The following EGF variants were observed in gnomAD, a reference collection of about 807,000 sequenced individuals.
EGF encodes epidermal growth factor.
Under a neutral mutation model 143.8 loss-of-function variants are expected in EGF, and 95 were observed. The observed-to-expected ratio is 0.66, with a 90% confidence interval of 0.56 to 0.78. The LOEUF is 0.78. Ranked by LOEUF, EGF falls within the 30% of genes least tolerant of loss-of-function variation. The pLI, the probability that EGF is intolerant of heterozygous loss-of-function variation, is 0.00. For synonymous variants in EGF, 510 were observed against 510.5 expected (o/e 1.00, Z 0.01); for missense variants, 1,320 against 1,470.9 (o/e 0.90, Z 1.68).
intron 16 of EGF, among the ~76,000 whole-genome samples, chr4:109,986,519 G>A (rs1406292035): frequency 6.6e-6 from 1 of 152,172 alleles, no homozygotes; most frequent in East Asian, 1.9e-4. Context: ...ATTACCCAAT[G>A]TCTGCATTCA....
intron 1 of EGF, among the ~76,000 whole-genome samples, chr4:109,924,724 G>A (rs910995487): frequency 6.6e-6 from 1 of 152,174 alleles, no homozygotes; most frequent in Non-Finnish European, 1.5e-5. Flanking sequence ...AAACCTAAGA[G>A]AATAATGAGG....
In EGF at chr4:109,987,992, TA is replaced by T. The variant is rs1257155021; in HGVS notation, c.2608+143del. On this transcript the variant is annotated intron_variant, in intron 17 of 23. Transcript: ENST00000265171. ...TTTGAATAAGTTATTTGATGTTAGC[TA>T]AAAAAAAAAATTGAATGACATGCAT... The T allele has an allele frequency of 0.02, 10,743 of 548,712 alleles. 4 individuals carry two copies. The highest frequency in any genetic ancestry group is 0.022 in the African/African-American group (1,145 of 51,106). 34.0% of individuals were successfully genotyped at this position (548,712 alleles called of 1,614,324 possible).
At chr4:109,971,050 C>T (rs1747569314) in intron 11 of EGF, among the ~76,000 whole-genome samples, 1 of 151,936 alleles carries the variant, frequency 6.6e-6, no homozygotes, top group South Asian at 2.1e-4. Context: ...TATTAAATCC[C>T]CAAAGGTAAG....
At chr4:109,992,665 C>T (rs1751146128) in intron 18 of EGF, among the ~76,000 whole-genome samples, 1 of 151,976 alleles carries the variant, frequency 6.6e-6, no homozygotes, top group African/African-American at 2.4e-5. Flanking sequence ...TATTGCAGCA[C>T]TATTCACAAT....
At chr4:109,983,720 A>C (rs968132016) in intron 16 of EGF, among the ~76,000 whole-genome samples, 179 bp downstream of exon 16, 12 of 152,260 alleles carry the variant, frequency 7.9e-5, no homozygotes, top group African/African-American at 2.9e-4. Context: ...AGATGGCTGC[A>C]TATTAGTCTG....
In EGF at chr4:109,959,313, G is replaced by A. The variant is rs1222708365; in HGVS notation, c.942G>A (p.Glu314=). The A allele has an allele frequency of 1.2e-6, 2 of 1,613,930 alleles. No individual in the cohort carries two copies. The highest frequency in any genetic ancestry group is 1.7e-6 in the Non-Finnish European group (2 of 1,179,862). ...PKAEDDTWEP[E]QKLCKLRKGN... ...CAAATAAAGCATCTTCTCTTTTAGAGCAGAAACTTTGCAAATTGAGGAAAG... is the reference window on the plus strand; with the variant it reads ...CAAATAAAGCATCTTCTCTTTTAGAACAGAAACTTTGCAAATTGAGGAAAG... The change falls in exon 6 of 24, where the codon GAG becomes GAA. Residue 314 remains glutamate, a splice_region_variant and synonymous_variant. Transcript: ENST00000265171.
Position 109,932,360 on chromosome 4 carries a change from C to CATAT in EGF, c.128-8572_128-8569dup, listed in dbSNP as rs57424246. On this transcript the variant is annotated intron_variant, in intron 1 of 23. Transcript: ENST00000265171. The stretch of plus-strand genomic sequence containing the variant: ...TTTACATGAAAACCTCCCATTTAGT[C>CATAT]ATATATATATATATATAAATTTTTT... Among the ~76,000 whole-genome samples, 60 of 87,042 alleles carry CATAT rather than the reference C, an allele frequency of 6.9e-4. 3 individuals are homozygous for CATAT. Among genetic ancestry groups the CATAT allele is most frequent in the South Asian group, 2.4e-3 (6 of 2,518 alleles). 57.1% of individuals were successfully genotyped at this position (87,042 alleles called of 152,430 possible).
At chr4:109,968,103 A>T (rs1746902969) in intron 10 of EGF, among the ~76,000 whole-genome samples, 1 of 152,178 alleles carries the variant, frequency 6.6e-6, no homozygotes, top group African/African-American at 2.4e-5. Context: ...TCACTATGAC[A>T]TTTTGAATGC....
intron 6 of EGF, among the ~76,000 whole-genome samples, chr4:109,959,680 T>A (rs1230863994): frequency 1.3e-5 from 2 of 152,210 alleles, no homozygotes; most frequent in African/African-American, 4.8e-5. Context: ...GATCAAACAC[T>A]GAGAGGATGC....
At chr4:109,964,326 AG>A in intron 9 of EGF, 74 bp from the exon 10 acceptor site, 1 of 1,597,162 alleles carries the variant, frequency 6.3e-7, no homozygotes, top group Non-Finnish European at 8.6e-7. Context: ...GTACAGTGAA[AG>A]GGAAGAGTCA....
At chr4:110,000,570 C>T (rs1752449391) in intron 21 of EGF, among the ~76,000 whole-genome samples, 1 of 152,140 alleles carries the variant, frequency 6.6e-6, no homozygotes, top group African/African-American at 2.4e-5. Context: ...AAGGAAATTT[C>T]TGGTCCTCAG....
At chr4:109,950,705 A>T (rs745868633) in intron 5 of EGF, among the ~76,000 whole-genome samples, 15 of 152,198 alleles carry the variant, frequency 9.9e-5, no homozygotes, top group South Asian at 2.1e-4. Flanking sequence ...TCTCTCCTGC[A>T]GCCCAGTCTG....
chr4:110,000,250 CAA>C (rs754279332), intron 21 of EGF, among the ~76,000 whole-genome samples: 30,320 of 93,504 alleles, frequency 0.32, 3,452 homozygotes, highest in Middle Eastern at 0.47. Flanking sequence ...GACTCCGTGT[CAA>C]AAAAAAAAAA....
At chr4:109,931,899 A>G (rs1043591349) in intron 1 of EGF, among the ~76,000 whole-genome samples, 1 of 152,170 alleles carries the variant, frequency 6.6e-6, no homozygotes, top group Non-Finnish European at 1.5e-5. Context: ...AAATGTATTA[A>G]TTATTTATAC....
At chr4:109,999,869 A>C in intron 21 of EGF, 23 bp downstream of exon 21, 1 of 1,612,566 alleles carries the variant, frequency 6.2e-7, no homozygotes, top group Non-Finnish European at 8.5e-7. Flanking sequence ...TTCCTTTGGT[A>C]CTGGAAACCT....
intron 5 of EGF, among the ~76,000 whole-genome samples, chr4:109,945,627 AT>A (rs1742715821): frequency 6.6e-6 from 1 of 152,186 alleles, no homozygotes; most frequent in African/African-American, 2.4e-5. Flanking sequence ...TAACATGTAC[AT>A]TTTATATATA....
intron 11 of EGF, among the ~76,000 whole-genome samples, chr4:109,971,842 C>T (rs1238976171): frequency 6.6e-6 from 1 of 152,100 alleles, no homozygotes. Flanking sequence ...GCTTGCAGTT[C>T]CTTTTTGGCC....
At chr4:109,919,311 CTCTCTCT>C in intron 1 of EGF, among the ~76,000 whole-genome samples, 1 of 146,140 alleles carries the variant, frequency 6.8e-6, no homozygotes, top group African/African-American at 2.6e-5. Flanking sequence ...CTCTCTCTCT[CTCTCTCT>C]CTCTCTCTCT....
chr4:109,934,776 A>G (rs906843878), intron 1 of EGF, among the ~76,000 whole-genome samples: 3 of 152,156 alleles, frequency 2.0e-5, no homozygotes, highest in Non-Finnish European at 2.9e-5. Flanking sequence ...AGCTTTCTCC[A>G]TATGTCTAGC....
Sources: allele counts gnomAD v4.1 joint callset (sites outside exome capture counted in the v4.1 genomes callset), GRCh38; gene constraint gnomAD v4.1.1; transcripts MANE v1.5; gene names NCBI Gene and HGNC (gene_info 2026-07-23, HGNC 2026-07-21).